Variants in PLA2R1 observed in about 807,000 individuals in gnomAD.
The protein encoded by PLA2R1 is secretory phospholipase A2 receptor.
Under a neutral mutation model 195.9 loss-of-function variants are expected in PLA2R1, and 158 were observed. The observed-to-expected ratio is 0.81, with a 90% confidence interval of 0.71 to 0.92. PLA2R1 has a LOEUF of 0.92. PLA2R1 is among the 40% of genes least tolerant of loss of function. The pLI, the probability that PLA2R1 is intolerant of heterozygous loss-of-function variation, is 0.00. For synonymous variants in PLA2R1, 586 were observed against 598.2 expected (o/e 0.98, Z 0.30); for missense variants, 1,626 against 1,764.6 (o/e 0.92, Z 1.41).
At chr2:160,005,476 T>C (rs1296416375) in intron 11 of PLA2R1, among the ~76,000 whole-genome samples, 176 bp downstream of exon 11, 7 of 151,922 alleles carry the variant, frequency 4.6e-5, no homozygotes, top group Admixed American at 4.6e-4. Context: ...ACAAATAAAA[T>C]AAATAAAAAC....
chr2:159,977,835 C>T (rs1912700), intron 14 of PLA2R1, among the ~76,000 whole-genome samples: 54,489 of 151,740 alleles, frequency 0.36, 12,295 homozygotes, highest in Non-Finnish European at 0.49. Context: ...CCCAGCTACT[C>T]GGGAGAATGG....
At chr2:160,037,563 T>C (rs1050058634) in intron 3 of PLA2R1, among the ~76,000 whole-genome samples, 2 of 152,198 alleles carry the variant, frequency 1.3e-5, no homozygotes, top group Non-Finnish European at 2.9e-5. Context: ...TTAGAGCATG[T>C]GCCTGGTGAC....
intron 20 of PLA2R1, among the ~76,000 whole-genome samples, chr2:159,966,674 C>T (rs2105222592): frequency 6.6e-6 from 1 of 152,234 alleles, no homozygotes; most frequent in East Asian, 1.9e-4. Flanking sequence ...GGAGAGAAAG[C>T]CCTGCCAATA....
chr2:160,053,381 T>C (rs1397056404), intron 1 of PLA2R1, among the ~76,000 whole-genome samples: 1 of 150,356 alleles, frequency 6.7e-6, no homozygotes, highest in Non-Finnish European at 1.5e-5. Context: ...ATCATAACCA[T>C]CCCTATCATT....
At chr2:160,020,743 A>G (rs1301840226) in intron 7 of PLA2R1, among the ~76,000 whole-genome samples, 1 of 152,154 alleles carries the variant, frequency 6.6e-6, no homozygotes, top group African/African-American at 2.4e-5. Flanking sequence ...TGGTCCTTTG[A>G]CCTTGAACTT....
chr2:159,987,222 C>G lies in PLA2R1; in HGVS notation c.1971G>C (p.Glu657Asp). ...AATAGCAGGGGTGAAAGGGCCATCTCTCTTCATACTCTGCTTTTTCCTGAT... is the reference window on the plus strand; with the variant it reads ...AATAGCAGGGGTGAAAGGGCCATCTGTCTTCATACTCTGCTTTTTCCTGAT... ...VENQEKAEYE[E>D]RWPFHPCYLD... Residue 657 changes from glutamate to aspartate, a missense_variant, in exon 12 of 30, where the codon GAG becomes GAC. Coordinates refer to ENST00000283243, the MANE Select transcript of PLA2R1 (RefSeq NM_007366.5). 2 of 1,613,652 alleles carry G rather than the reference C, an allele frequency of 1.2e-6. No homozygotes were observed. The highest frequency in any genetic ancestry group is 1.1e-5 in the South Asian group (1 of 91,078).
At chr2:159,948,732 T>C (rs62176717) in intron 25 of PLA2R1, among the ~76,000 whole-genome samples, 4,140 of 152,130 alleles carry the variant, frequency 0.027, 74 homozygotes, top group Middle Eastern at 0.038. Flanking sequence ...TATATGTGGC[T>C]ATCATTTACA....
intron 13 of PLA2R1, among the ~76,000 whole-genome samples, 161 bp downstream of exon 13, chr2:159,983,767 C>T (rs1344093205): frequency 1.3e-5 from 2 of 152,052 alleles, no homozygotes; most frequent in Admixed American, 1.3e-4. Context: ...GAACCTGGTA[C>T]AAGATAAACA....
At chr2:159,945,286 G>A (rs2125919641) in intron 27 of PLA2R1, among the ~76,000 whole-genome samples, 2 of 151,980 alleles carry the variant, frequency 1.3e-5, no homozygotes, top group Middle Eastern at 3.4e-3. Context: ...ACATGCTGGT[G>A]CGCTGCACCC....
At position 159,979,849 on chromosome 2, in the gene PLA2R1, TC is replaced by T. The variant is rs777273269; in HGVS notation, c.2248del (p.Glu750SerfsTer13). On this transcript the variant is annotated frameshift_variant, in exon 14 of 30. Coordinates refer to ENST00000283243, the MANE Select transcript of PLA2R1 (RefSeq NM_007366.5). LOFTEE classifies it high-confidence loss of function. ...KRNPLNAGSW[E>X]WSDRTPVVSS... ...ACTTACAGGAGTTCTATCAGACCAC[TC>T]CCATGAGCCGGCATTCAGTGGGTTT... The T allele has an allele frequency of 1.9e-6, 3 of 1,600,812 alleles. No individual in the cohort carries two copies. The Admixed American group carries it at 5.0e-5, about 27-fold the overall frequency.
chr2:159,998,982 T>C (rs1691412565), intron 11 of PLA2R1, among the ~76,000 whole-genome samples: 1 of 152,128 alleles, frequency 6.6e-6, no homozygotes, highest in Non-Finnish European at 1.5e-5. Context: ...TATGTGATAG[T>C]ATTAAGAGGC....
At position 159,955,780 on chromosome 2, in the gene PLA2R1, C is replaced by A; in HGVS notation, c.3071G>T (p.Gly1024Val). Reference sequence around the variant, plus strand: ...TGTTTCATAATCATCATTTTGTAAACCTATCCACACACTGGTGGTCTGGCC... The same window carrying A: ...TGTTTCATAATCATCATTTTGTAAAACTATCCACACACTGGTGGTCTGGCC... ...LFGQTTSVWI[G>V]LQNDDYETWL... The change falls in exon 22 of 30, where the codon GGT (glycine) becomes GTT (valine). Residue 1024 changes from glycine to valine, a missense_variant. Gly to Val is a moderately radical substitution (Grantham distance 109). Coordinates refer to ENST00000283243, the MANE Select transcript of PLA2R1 (RefSeq NM_007366.5). The A allele has an allele frequency of 1.3e-6, 2 of 1,595,964 alleles. No homozygotes were observed. Among genetic ancestry groups the A allele is most frequent in the South Asian group, 1.1e-5 (1 of 89,938 alleles).
chr2:160,055,433 C>T (rs1370637866), intron 1 of PLA2R1, among the ~76,000 whole-genome samples: 1 of 152,210 alleles, frequency 6.6e-6, no homozygotes, highest in African/African-American at 2.4e-5. Flanking sequence ...TAGAACAATA[C>T]ATAAATCAGT....
In PLA2R1 at chr2:159,936,600, G is replaced by GA. The variant is rs1364553642; in HGVS notation, c.*5177dup. ...TGTAGTCCCTTATCCTCTCTTTCCT[G>GA]AGCACACAAAGCAGAAGACTTCCTG... On this transcript the variant is annotated 3_prime_UTR_variant, in exon 30 of 30. Coordinates refer to ENST00000283243, the MANE Select transcript of PLA2R1 (RefSeq NM_007366.5). 6.6e-6 allele frequency: 1 copy of GA among 152,158 alleles called. No individual in the cohort carries two copies. The highest frequency in any genetic ancestry group is 6.5e-5 in the Admixed American group (1 of 15,282). 9.4% of individuals were successfully genotyped at this position (152,158 alleles called of 1,614,324 possible).
intron 1 of PLA2R1, among the ~76,000 whole-genome samples, chr2:160,046,336 A>C (rs877635): frequency 0.48 from 72,696 of 151,944 alleles, 18,110 homozygotes; most frequent in East Asian, 0.68. Flanking sequence ...CTTCCTGTCT[A>C]TTCTTCAAAA....
intron 17 of PLA2R1, among the ~76,000 whole-genome samples, chr2:159,971,253 A>T (rs1272103782): frequency 6.6e-6 from 1 of 152,188 alleles, no homozygotes; most frequent in Non-Finnish European, 1.5e-5. Flanking sequence ...ATCACCAATA[A>T]AAAAACCACT....
chr2:160,047,749 G>A (rs1694960782), intron 1 of PLA2R1, among the ~76,000 whole-genome samples: 1 of 152,260 alleles, frequency 6.6e-6, no homozygotes, highest in African/African-American at 2.4e-5. Flanking sequence ...CAAGCAGTGT[G>A]TAGATGCGGG....
intron 1 of PLA2R1, among the ~76,000 whole-genome samples, chr2:160,050,881 G>T (rs1397002652): frequency 6.6e-6 from 1 of 152,180 alleles, no homozygotes; most frequent in East Asian, 1.9e-4. Flanking sequence ...CCTAGAGGAA[G>T]TTTCTCCTGA....
Position 159,937,584 on chromosome 2 carries a change from C to A in PLA2R1, c.*4194G>T, listed in dbSNP as rs1266378228. The A allele has an allele frequency of 6.6e-6, 1 of 152,192 alleles. No homozygotes were observed. Among genetic ancestry groups the A allele is most frequent in the East Asian group, 1.9e-4 (1 of 5,202 alleles). The allele number at this position is 152,192 out of a possible 1,614,324, so 9.4% of individuals were successfully genotyped here. A position where few individuals can be genotyped will look rare whatever the true frequency, so the allele number is the denominator to read the frequency against. ...AAGATAAATCAAGCCTTGGGACTTTCTTCTGGATAACATAAGATGTTAGGT... is the reference window on the plus strand; with the variant it reads ...AAGATAAATCAAGCCTTGGGACTTTATTCTGGATAACATAAGATGTTAGGT... On this transcript the variant is annotated 3_prime_UTR_variant, in exon 30 of 30. Transcript: ENST00000283243.
Sources: gnomAD v4.1 joint callset for allele counts (sites outside exome capture counted in the v4.1 genomes callset) on GRCh38, gnomAD v4.1.1 for gene constraint, MANE v1.5 for transcripts, NCBI Gene and HGNC (gene_info 2026-07-23, HGNC 2026-07-21) for gene names.